The following MMRN1 variants were observed in gnomAD, a reference collection of about 807,000 sequenced individuals.
MMRN1 encodes the protein multimerin-1.
MMRN1 carries 94 observed loss-of-function variants against 100.7 expected under a neutral mutation model. That is an observed-to-expected ratio of 0.93 (90% CI 0.79 to 1.11). The LOEUF is 1.11. Among genes scored for constraint, MMRN1 ranks in the 50% least tolerant of loss-of-function variants. MMRN1 has a pLI of 0.00. For synonymous variants in MMRN1, 575 were observed against 505.0 expected, an observed-to-expected ratio of 1.14 and a Z score of -1.86; for missense variants, 1,606 against 1,439.1, an observed-to-expected ratio of 1.12 and a Z score of -1.88.
chr4:89,917,093 G>T (rs1412575227), intron 3 of MMRN1, among the ~76,000 whole-genome samples: 12 of 151,130 alleles, frequency 7.9e-5, no homozygotes, highest in Non-Finnish European at 5.9e-5. Flanking sequence ...ACATCCTCGT[G>T]TGTGTGTTTG....
chr4:89,906,424 A>G (rs1721566804), intron 1 of MMRN1, among the ~76,000 whole-genome samples: 1 of 151,536 alleles, frequency 6.6e-6, no homozygotes, highest in Admixed American at 6.6e-5. Context: ...ATGTTGCTGC[A>G]CAAAAGCAAC....
chr4:89,887,947 C>T (rs1720972989), intron 1 of MMRN1, among the ~76,000 whole-genome samples: 1 of 151,904 alleles, frequency 6.6e-6, no homozygotes, highest in African/African-American at 2.4e-5. Flanking sequence ...TCTCTCTCTT[C>T]TTCTTTATTT....
At chr4:89,908,936 T>G (rs1174288256) in intron 1 of MMRN1, among the ~76,000 whole-genome samples, 1 of 151,398 alleles carries the variant, frequency 6.6e-6, no homozygotes, top group East Asian at 1.9e-4. Context: ...GACCCGGATC[T>G]GAGTTTTTTA....
In MMRN1 at chr4:89,895,562, C is replaced by T. The variant is rs1226081039; in HGVS notation, c.591C>T (p.Tyr197=). ...GDSSSSQRTD[Y]QKSNFETTRG... ...GCAGTTCCAGCCAAAGAACTGACTACCAAAAATCAAATTTCGAAACAACTA... is the reference window on the plus strand; with the variant it reads ...GCAGTTCCAGCCAAAGAACTGACTATCAAAAATCAAATTTCGAAACAACTA... The change falls in exon 1 of 8, where the codon TAC becomes TAT. Residue 197 remains tyrosine (Y), a synonymous_variant. Transcript: ENST00000264790. 6.2e-7 allele frequency: 1 copy of T among 1,613,274 alleles called. No individual in the cohort carries two copies. The highest frequency in any genetic ancestry group is 1.1e-5 in the South Asian group (1 of 90,990).
Position 89,935,915 on chromosome 4 carries a change from C to A in MMRN1, c.2235C>A (p.Asn745Lys). 2 of 1,609,402 alleles carry A rather than the reference C, an allele frequency of 1.2e-6. No homozygotes were observed. The highest frequency in any genetic ancestry group is 1.3e-5 in the African/African-American group (1 of 74,820). ...INNAIDFIQD[N>K]YALKETLSTI... is the part of the protein sequence containing the mutation. ...ATGCTATTGATTTCATTCAAGATAA[C>A]TATGCCCTAAAAGAGACTTTAAGTA... The change falls in exon 6 of 8, where the codon AAC (asparagine) becomes AAA (lysine). Residue 745 changes from asparagine (N) to lysine (K), a missense_variant. Transcript: ENST00000264790.
intron 1 of MMRN1, among the ~76,000 whole-genome samples, chr4:89,906,505 T>A (rs935885921): frequency 1.3e-5 from 2 of 151,516 alleles, no homozygotes; most frequent in African/African-American, 4.8e-5. Flanking sequence ...CATGGAAAAC[T>A]AAACACTTCA....
chr4:89,882,578 G>A (rs1378033357), intron 1 of MMRN1, among the ~76,000 whole-genome samples: 1 of 151,772 alleles, frequency 6.6e-6, no homozygotes, highest in Non-Finnish European at 1.5e-5. Flanking sequence ...ATAAATGTCA[G>A]TTCAATTTAA....
rs1721437865 is a variant in MMRN1 at position 89,902,873 on chromosome 4, AT to A, written c.624-6398del. Among the ~76,000 whole-genome samples, 10 of 152,098 alleles carry A rather than the reference AT, an allele frequency of 6.6e-5. No individual in the cohort carries two copies. In the South Asian group the frequency reaches 2.1e-3, roughly 32 times the overall value. The stretch of plus-strand genomic sequence containing the variant: ...TATATGATTCTTTTACAAAACTGAT[AT>A]TTTTATCTCAGTTTGAATACTATAT... On this transcript the variant is annotated intron_variant, in intron 1 of 7. Transcript: ENST00000264790.
At position 89,936,162 on chromosome 4, in the gene MMRN1, A is replaced by C. The variant is rs1187501533; in HGVS notation, c.2482A>C (p.Asn828His). Residue 828 changes from asparagine to histidine, a missense_variant, in exon 6 of 8, where the codon AAT becomes CAT. Physicochemically the swap from Asn to His is moderately conservative, Grantham distance 68 (BLOSUM62 1). Transcript: ENST00000264790. ...CTTCCAAAAGATGTATCAAATGTTCAATGAAACCACTTCCCAAGTGAGAAA... is the reference window on the plus strand; with the variant it reads ...CTTCCAAAAGATGTATCAAATGTTCCATGAAACCACTTCCCAAGTGAGAAA... ...SNFQKMYQMFNETTSQVRKYQ... is the reference protein window; with the variant it reads ...SNFQKMYQMFHETTSQVRKYQ... 1 of 1,612,394 alleles carries C rather than the reference A, an allele frequency of 6.2e-7. No individual in the cohort carries two copies. Among genetic ancestry groups the C allele is most frequent in the African/African-American group, 1.3e-5 (1 of 74,890 alleles).
chr4:89,914,743 A>G (rs745637290), intron 3 of MMRN1, among the ~76,000 whole-genome samples: 1 of 151,548 alleles, frequency 6.6e-6, no homozygotes, highest in African/African-American at 2.4e-5. Context: ...GTCAGCAGTA[A>G]CATACACTTA....
intron 5 of MMRN1, among the ~76,000 whole-genome samples, chr4:89,932,654 T>G (rs1056659859): frequency 2.0e-5 from 3 of 152,182 alleles, no homozygotes; most frequent in Admixed American, 1.3e-4. Flanking sequence ...GCCACAGGCT[T>G]GGGGCTTGCA....
At chr4:89,941,421 C>A (rs1378365471) in intron 6 of MMRN1, among the ~76,000 whole-genome samples, 2 of 152,172 alleles carry the variant, frequency 1.3e-5, no homozygotes, top group Non-Finnish European at 2.9e-5. Context: ...GACAACATTT[C>A]TGTGTGCTCT....
chr4:89,946,982 G>C (rs1331525037), intron 6 of MMRN1, among the ~76,000 whole-genome samples: 3 of 151,986 alleles, frequency 2.0e-5, no homozygotes, highest in African/African-American at 7.2e-5. Flanking sequence ...GTTGTGGAAA[G>C]TTCGCTTAAA....
At chr4:89,947,790 A>AT (rs574584242) in intron 6 of MMRN1, among the ~76,000 whole-genome samples, 244 of 152,294 alleles carry the variant, frequency 1.6e-3, no homozygotes, top group Non-Finnish European at 1.9e-3. Context: ...GTACCTAACC[A>AT]TTTTTTAAGC....
At chr4:89,945,034 C>G (rs1430150398) in intron 6 of MMRN1, among the ~76,000 whole-genome samples, 1 of 152,176 alleles carries the variant, frequency 6.6e-6, no homozygotes, top group Non-Finnish European at 1.5e-5. Context: ...CTACCAAGCA[C>G]TAGCAACCAG....
chr4:89,953,992 T>C lies in MMRN1; in HGVS notation c.*574T>C, dbSNP rs935497639. The C allele has an allele frequency of 6.6e-6, 1 of 152,266 alleles. No individual in the cohort carries two copies. The highest frequency in any genetic ancestry group is 2.4e-5 in the African/African-American group (1 of 41,456). The allele number at this position is 152,266 out of a possible 1,614,324, so 9.4% of individuals were successfully genotyped here. ...TGAAAAATGCTTAACTATTGTTCTC[T>C]TCCTATAATTCTCTAATTATAACAT... On this transcript the variant is annotated 3_prime_UTR_variant, in exon 8 of 8. Transcript: ENST00000264790.
At chr4:89,952,521 G>T (rs1350252665) in intron 7 of MMRN1, among the ~76,000 whole-genome samples, 2 of 152,112 alleles carry the variant, frequency 1.3e-5, no homozygotes, top group Non-Finnish European at 2.9e-5. Flanking sequence ...TGTCTACTTT[G>T]CTGCAGTGAA....
At position 89,907,665 on chromosome 4, in the gene MMRN1, T is replaced by C. The variant is rs190188009; in HGVS notation, c.624-1611T>C. Among the ~76,000 whole-genome samples the C allele has an allele frequency of 3.1e-3, 475 of 151,576 alleles. 1 individual carries two copies. Among genetic ancestry groups the C allele is most frequent in the South Asian group, 0.012 (57 of 4,830 alleles). On this transcript the variant is annotated intron_variant, in intron 1 of 7. Coordinates refer to ENST00000264790, the MANE Select transcript of MMRN1 (RefSeq NM_007351.3). ...CAGTTTGGCTGGTTTCTATTCCTTA[T>C]CTTCGAGTTTATTGGTCTTCCTTTC...
At chr4:89,897,446 G>C (rs1182276998) in intron 1 of MMRN1, among the ~76,000 whole-genome samples, 1 of 152,036 alleles carries the variant, frequency 6.6e-6, no homozygotes, top group African/African-American at 2.4e-5. Context: ...TTGACCTCAT[G>C]ATCCACCCAC....
Sources: gnomAD v4.1 joint callset for allele counts (sites outside exome capture counted in the v4.1 genomes callset) on GRCh38, gnomAD v4.1.1 for gene constraint, MANE v1.5 for transcripts, NCBI Gene and HGNC (gene_info 2026-07-23, HGNC 2026-07-21) for gene names.